The following MKLN1 variants were observed in gnomAD, a reference collection of about 807,000 sequenced individuals.
The protein encoded by MKLN1 is muskelin 1.
In MKLN1, 18 loss-of-function variants were observed where a neutral mutation model predicts 99.0. The observed-to-expected ratio is 0.18, with a 90% CI of 0.13 to 0.27. The LOEUF (loss-of-function observed/expected upper bound fraction) is 0.27. Among genes scored for constraint, MKLN1 ranks in the 10% least tolerant of loss-of-function variants. The pLI is 1.00. For synonymous variants in MKLN1, 288 were observed against 293.2 expected (o/e 0.98, Z 0.18); for missense variants, 621 against 875.9 (o/e 0.71, Z 3.67).
At chr7:131,466,503 TATGAAGATC>T in intron 15 of MKLN1, 88 bp downstream of exon 15, 1 of 930,228 alleles carries the variant, frequency 1.1e-6, no homozygotes, top group Non-Finnish European at 1.5e-6. Flanking sequence ...GTGTAAATAC[TATGAAGATC>T]ATGAATTTTG....
chr7:131,482,066 A>G (rs1797139060), intron 17 of MKLN1, among the ~76,000 whole-genome samples: 1 of 152,222 alleles, frequency 6.6e-6, no homozygotes, highest in African/African-American at 2.4e-5. Flanking sequence ...GAACTCAGTC[A>G]CTTTGCTAAG....
At chr7:131,265,635 A>G (rs957219279) in intron 3 of MKLN1, among the ~76,000 whole-genome samples, 5 of 152,136 alleles carry the variant, frequency 3.3e-5, no homozygotes, top group African/African-American at 9.7e-5. Flanking sequence ...GGCTGGGTCT[A>G]TGTGAATTCC....
intron 17 of MKLN1, among the ~76,000 whole-genome samples, chr7:131,485,933 A>T (rs1254480687): frequency 1.3e-5 from 2 of 152,088 alleles, no homozygotes; most frequent in African/African-American, 4.8e-5. Context: ...TATTATTGGG[A>T]CATCAATGTT....
rs532612717 is a variant in MKLN1 at position 131,442,430 on chromosome 7, C to G, written c.1174-1051C>G. 2.0e-4 allele frequency among the ~76,000 whole-genome samples: 31 copies of G among 152,068 alleles called. 1 individual carries two copies. The South Asian group carries it at 6.3e-3, about 31-fold the overall frequency. ...GGCGTGGTGGCATATGCTGGTAATC[C>G]CAGCTACCCGGGAGGCTGAGGCAGG... On this transcript the variant is annotated intron_variant, in intron 10 of 17. Coordinates refer to ENST00000352689, the MANE Select transcript of MKLN1 (RefSeq NM_013255.5).
intron 3 of MKLN1, among the ~76,000 whole-genome samples, chr7:131,262,476 T>C (rs991125696): frequency 7.9e-5 from 12 of 152,136 alleles, no homozygotes; most frequent in African/African-American, 2.9e-4. Flanking sequence ...TACCCCCTCC[T>C]CCAAAATGTC....
At chr7:131,174,820 G>A (rs866968762) in intron 2 of MKLN1, among the ~76,000 whole-genome samples, 4 of 152,154 alleles carry the variant, frequency 2.6e-5, no homozygotes, top group Middle Eastern at 3.4e-3. Context: ...AAATTCATTT[G>A]GTTCTAACAA....
At chr7:131,251,773 G>A (rs527805600) in intron 3 of MKLN1, among the ~76,000 whole-genome samples, 91 of 151,624 alleles carry the variant, frequency 6.0e-4, no homozygotes, top group African/African-American at 2.0e-3. Flanking sequence ...GGGCTCAAGC[G>A]ATCCTCCCAC....
rs568480963 is a variant in MKLN1, at chr7:131,251,538, C to T, written c.-179+48564C>T. On this transcript the variant is annotated intron_variant, in intron 3 of 7. Coordinates refer to the MKLN1 transcript ENST00000416992. The stretch of plus-strand genomic sequence containing the variant: ...TCCAAGGTATTCAAATGGCTGATGG[C>T]GGTACTTATTAAGATCAGTAAAAAT... Among the ~76,000 whole-genome samples the T allele has an allele frequency of 5.3e-5, 8 of 152,186 alleles. No individual in the cohort carries two copies. In the South Asian group the frequency reaches 6.2e-4, roughly 12 times the overall value.
intron 1 of MKLN1, among the ~76,000 whole-genome samples, chr7:131,127,615 T>C (rs1217536199): frequency 1.3e-5 from 2 of 152,240 alleles, no homozygotes; most frequent in Non-Finnish European, 2.9e-5. Flanking sequence ...GCTGTGAAGA[T>C]ACTCAGAACA....
In MKLN1 at chr7:131,218,733, A is replaced by T. The variant is rs2116447906; in HGVS notation, c.-179+15759A>T. Among the ~76,000 whole-genome samples, 3 of 152,324 alleles carry T rather than the reference A, an allele frequency of 2.0e-5. No individual in the cohort carries two copies. In the South Asian group the frequency reaches 6.2e-4, roughly 32 times the overall value. The stretch of plus-strand genomic sequence containing the variant: ...TTGGGAACATGATGCCGAGTGAAAT[A>T]AGCCAGTCACAACAAGACAAATACC... On this transcript the variant is annotated intron_variant, in intron 3 of 7. Transcript: ENST00000416992.
At chr7:131,202,414 C>A (rs1316704083) in intron 2 of MKLN1, among the ~76,000 whole-genome samples, 1 of 151,884 alleles carries the variant, frequency 6.6e-6, no homozygotes, top group African/African-American at 2.4e-5. Context: ...CATGCCCTGC[C>A]AAATTTTTTA....
chr7:131,183,700 T>C (rs1383453672), intron 2 of MKLN1, among the ~76,000 whole-genome samples: 3 of 152,180 alleles, frequency 2.0e-5, no homozygotes, highest in African/African-American at 7.2e-5. Flanking sequence ...CAACTCAATG[T>C]TTCTGAAGTT....
intron 2 of MKLN1, among the ~76,000 whole-genome samples, chr7:131,176,938 G>T (rs142705287): frequency 6.6e-6 from 1 of 152,132 alleles, no homozygotes; most frequent in Admixed American, 6.6e-5. Flanking sequence ...AGGTAAATGG[G>T]CCTCAGGCTG....
intron 2 of MKLN1, among the ~76,000 whole-genome samples, chr7:131,172,032 T>G (rs1202737617): frequency 6.6e-6 from 1 of 152,206 alleles, no homozygotes; most frequent in Admixed American, 6.5e-5. Flanking sequence ...GAAGACCTAG[T>G]GTGAGCCTTT....
intron 3 of MKLN1, among the ~76,000 whole-genome samples, chr7:131,238,187 G>T (rs1033107968): frequency 2.0e-5 from 3 of 152,042 alleles, no homozygotes; most frequent in African/African-American, 7.2e-5. Flanking sequence ...TCTTGAAGAA[G>T]GCTCAGACTC....
chr7:131,455,819 G>A (rs745902501), intron 12 of MKLN1, among the ~76,000 whole-genome samples: 2 of 152,156 alleles, frequency 1.3e-5, no homozygotes, highest in African/African-American at 4.8e-5. Context: ...GCCGAGGCAG[G>A]CGAATCACCT....
chr7:131,359,745 A>G (rs1208438246), intron 1 of MKLN1, among the ~76,000 whole-genome samples: 1 of 141,432 alleles, frequency 7.1e-6, no homozygotes, highest in Non-Finnish European at 1.6e-5. Context: ...TTTTTTTTTT[A>G]TTTTTTGAGA....
intron 3 of MKLN1, among the ~76,000 whole-genome samples, chr7:131,308,569 GT>G (rs1286320551): frequency 1.4e-5 from 2 of 138,228 alleles, no homozygotes; most frequent in African/African-American, 5.3e-5. Flanking sequence ...CCTCAGGTAG[GT>G]TTTTTTTGTT....
intron 2 of MKLN1, among the ~76,000 whole-genome samples, chr7:131,159,464 G>A (rs1796015393): frequency 6.6e-6 from 1 of 152,146 alleles, no homozygotes; most frequent in African/African-American, 2.4e-5. Context: ...AATAAGCCAG[G>A]CACAGTGAGA....
Sources: allele counts gnomAD v4.1 joint callset (sites outside exome capture counted in the v4.1 genomes callset), GRCh38; gene constraint gnomAD v4.1.1; transcripts MANE v1.5; gene names NCBI Gene and HGNC (gene_info 2026-07-23, HGNC 2026-07-21).